The following NFIC variants were observed in gnomAD, a reference collection of about 807,000 sequenced individuals.
NFIC encodes the protein nuclear factor I C.
In NFIC, 12 loss-of-function variants were observed where a neutral mutation model predicts 54.4. That is an observed-to-expected ratio of 0.22 (90% confidence interval 0.14 to 0.36). NFIC has a LOEUF of 0.36. Among genes scored for constraint, NFIC ranks in the 10% least tolerant of loss-of-function variants. The probability of loss-of-function intolerance (pLI) is 1.00; values close to 1 mark genes in which losing one functional copy is unlikely to be tolerated. For missense variants in NFIC, 575 were observed against 718.2 expected (o/e 0.80, Z 2.28); for synonymous variants, 322 against 319.2 (o/e 1.01, Z -0.09).
At chr19:3,457,931 C>T (rs2082585041) in intron 10 of NFIC, 1 of 152,200 alleles carries the variant, frequency 6.6e-6, no homozygotes, top group Admixed American at 6.5e-5. Context: ...GGCTGCTTCT[C>T]CTGAGTTCAG....
At chr19:3,366,310 C>G (rs1342689156), upstream of NFIC, among the ~76,000 whole-genome samples, 1 of 136,218 alleles carries the variant, frequency 7.3e-6, no homozygotes, top group African/African-American at 2.8e-5. Flanking sequence ...TCCCTCGTTT[C>G]TTTGAAAGTT....
At chr19:3,368,780 G>C (rs545704399) in intron 1 of NFIC, among the ~76,000 whole-genome samples, 3 of 152,234 alleles carry the variant, frequency 2.0e-5, no homozygotes, top group Non-Finnish European at 4.4e-5. Flanking sequence ...AGGACCCTGA[G>C]TGCCCCATGC....
intron 6 of NFIC, among the ~76,000 whole-genome samples, chr19:3,448,658 G>C (rs1242723357): frequency 6.6e-6 from 1 of 152,142 alleles, no homozygotes; most frequent in Non-Finnish European, 1.5e-5. Flanking sequence ...GACTGTCTCT[G>C]CCCTCCCTGC....
chr19:3,400,302 C>T (rs1304996990), intron 2 of NFIC, among the ~76,000 whole-genome samples: 1 of 151,944 alleles, frequency 6.6e-6, no homozygotes, highest in South Asian at 2.1e-4. Context: ...GGTGAAACCC[C>T]GTCTCTACTA....
chr19:3,373,136 C>T (rs1278715896), intron 1 of NFIC, among the ~76,000 whole-genome samples: 2 of 152,198 alleles, frequency 1.3e-5, no homozygotes, highest in Non-Finnish European at 2.9e-5. Context: ...TGAGCCACCG[C>T]GCCCGGCCCC....
At chr19:3,425,951 T>TGTG in intron 3 of NFIC, among the ~76,000 whole-genome samples, 1 of 82,530 alleles carries the variant, frequency 1.2e-5, no homozygotes. Context: ...TTTTTTTTTT[T>TGTG]TGAGATGGAG....
In NFIC at chr19:3,366,684, C is replaced by G; in HGVS notation, c.30+18C>G. On this transcript the variant is annotated intron_variant, in intron 1 of 10. Transcript: ENST00000443272. ...TCACCCAGGTACGGTCCTCGCCCGG[C>G]CCCCCGCCGGCGCCCCCGCGCCCCC... 2.2e-6 allele frequency: 3 copies of G among 1,391,706 alleles called. No individual in the cohort carries two copies. The highest frequency in any genetic ancestry group is 2.8e-6 in the Non-Finnish European group (3 of 1,067,924). The allele number at this position is 1,391,706 out of a possible 1,614,324, so 86.2% of individuals were successfully genotyped here.
At chr19:3,441,377 ACT>A (rs1041157618) in intron 6 of NFIC, among the ~76,000 whole-genome samples, 12 of 152,176 alleles carry the variant, frequency 7.9e-5, no homozygotes, top group African/African-American at 2.9e-4. Context: ...TCCCGGCAAC[ACT>A]CTGTGAGATC....
exon 1 of NFIC, chr19:3,359,665 C>A: frequency 7.1e-7 from 1 of 1,406,490 alleles, no homozygotes; most frequent in Non-Finnish European, 9.4e-7. Context: ...GCCGGCCTCG[C>A]CTCCTCGCAG....
At chr19:3,421,354 C>T (rs768143157) in intron 2 of NFIC, among the ~76,000 whole-genome samples, 15 of 152,230 alleles carry the variant, frequency 9.9e-5, no homozygotes, top group Non-Finnish European at 1.6e-4. Context: ...GGCGCCCGGA[C>T]GGCCGGCTGC....
At chr19:3,403,737 G>A (rs951886865) in intron 2 of NFIC, among the ~76,000 whole-genome samples, 1 of 152,124 alleles carries the variant, frequency 6.6e-6, no homozygotes, top group African/African-American at 2.4e-5. Context: ...CCCGTCCTCC[G>A]GACTCCCCGC....
chr19:3,372,161 C>A (rs977925404), intron 1 of NFIC, among the ~76,000 whole-genome samples: 10 of 152,050 alleles, frequency 6.6e-5, no homozygotes, highest in African/African-American at 2.4e-4. Flanking sequence ...GCTGGAATTA[C>A]AGGCACGTGC....
chr19:3,468,975 T>TA lies in NFIC; in HGVS notation c.*6206_*6207insA, dbSNP rs2082753062. 9.0e-6 allele frequency: 1 copy of TA among 111,442 alleles called. No homozygotes were observed. Among genetic ancestry groups the TA allele is most frequent in the Non-Finnish European group, 1.7e-5 (1 of 59,234 alleles). 6.9% of individuals were successfully genotyped at this position (111,442 alleles called of 1,614,324 possible). ...CCCCCACCCCACCCCGCCCCTCACATCATACTCCAATCATAACCTTGTATA... is the reference window on the plus strand; with the variant it reads ...CCCCCACCCCACCCCGCCCCTCACATACATACTCCAATCATAACCTTGTATA... On this transcript the variant is annotated 3_prime_UTR_variant, in exon 11 of 11. Coordinates refer to ENST00000443272, the MANE Select transcript of NFIC (RefSeq NM_001245002.2).
chr19:3,359,682 C>T, exon 1 of NFIC: 1 of 1,424,866 alleles, frequency 7.0e-7, no homozygotes. Context: ...GCAGCAGCGC[C>T]ATGGTACGTC....
At chr19:3,399,745 C>A (rs2081524534) in intron 2 of NFIC, among the ~76,000 whole-genome samples, 3 of 151,926 alleles carry the variant, frequency 2.0e-5, no homozygotes, top group Admixed American at 2.0e-4. Flanking sequence ...GTGGTGGGAG[C>A]CTGTAATCCC....
upstream of NFIC, among the ~76,000 whole-genome samples, chr19:3,363,230 T>TGTGTGTGTGTGTGTGTGC (rs1406050027): frequency 2.6e-3 from 149 of 57,446 alleles, 3 homozygotes; most frequent in African/African-American, 0.012. Context: ...TATATGTATG[T>TGTGTGTGTGTGTGTGTGC]GTATGTGTGT....
intron 2 of NFIC, among the ~76,000 whole-genome samples, chr19:3,409,753 C>T (rs1366211496): frequency 1.3e-5 from 2 of 152,242 alleles, no homozygotes; most frequent in African/African-American, 4.8e-5. Context: ...AACAGTGTGT[C>T]CGCCCCGTCA....
rs377353204 is a variant in NFIC, at chr19:3,384,226, T to TTA, written c.562+1997_562+1998dup. Among the ~76,000 whole-genome samples the TTA allele has an allele frequency of 5.1e-3, 766 of 150,066 alleles. 5 individuals are homozygous for TTA. Among genetic ancestry groups the TTA allele is most frequent in the Non-Finnish European group, 7.5e-3 (508 of 67,446 alleles). On this transcript the variant is annotated intron_variant, in intron 2 of 10. Transcript: ENST00000443272. ...CACACCACCACACCCAGCTAATATTTTATATATATATATATTTTTTTGTAG... is the reference window on the plus strand; with the variant it reads ...CACACCACCACACCCAGCTAATATTTTATATATATATATATATTTTTTTGTAG...
At position 3,459,324 on chromosome 19, in the gene NFIC, A is replaced by G. The variant is rs1034750382; in HGVS notation, c.1509+2689A>G. Among the ~76,000 whole-genome samples the G allele has an allele frequency of 7.2e-6, 1 of 138,648 alleles. No homozygotes were observed. The highest frequency in any genetic ancestry group is 1.5e-5 in the Non-Finnish European group (1 of 65,128). The allele number at this position is 138,648 out of a possible 152,430, so 91.0% of individuals were successfully genotyped here. Reference sequence around the variant, plus strand: ...TGGTCAGTTACCCACCCATCGCCCCATGTCCGTCCCTATCAATCCCCCCAC... The same window carrying G: ...TGGTCAGTTACCCACCCATCGCCCCGTGTCCGTCCCTATCAATCCCCCCAC... On this transcript the variant is annotated intron_variant, in intron 10 of 10. Coordinates refer to ENST00000443272, the MANE Select transcript of NFIC (RefSeq NM_001245002.2). This position sits in a 1 kb window ranked among gnomAD's most constrained non-coding sequence, Gnocchi z 4.2.
Sources: allele counts gnomAD v4.1 joint callset (sites outside exome capture counted in the v4.1 genomes callset), GRCh38; gene constraint gnomAD v4.1.1; non-coding constraint Gnocchi (gnomAD v3.1); transcripts MANE v1.5; gene names NCBI Gene and HGNC (gene_info 2026-07-23, HGNC 2026-07-21).